The following CYB5R3 variants were observed in gnomAD, a reference collection of about 807,000 sequenced individuals.
CYB5R3 encodes cytochrome b5 reductase 3, also known as NADH-cytochrome b5 reductase 3.
CYB5R3 carries 28 observed loss-of-function variants against 36.5 expected under a neutral mutation model. That is an observed-to-expected ratio of 0.77 (90% CI 0.57 to 1.05). The LOEUF is 1.05. Among genes scored for constraint, CYB5R3 ranks in the 50% least tolerant of loss-of-function variants. The pLI is 0.00. For missense variants in CYB5R3, 474 were observed against 408.9 expected, an observed-to-expected ratio of 1.16 and a Z score of -1.37; for synonymous variants, 181 against 159.8, an observed-to-expected ratio of 1.13 and a Z score of -1.00.
chr22:42,640,922 T>A (rs1929235288), intron 1 of CYB5R3, among the ~76,000 whole-genome samples: 1 of 152,108 alleles, frequency 6.6e-6, no homozygotes, highest in African/African-American at 2.4e-5. Context: ...AGTGGCACGG[T>A]CTCAGCTCAC....
At chr22:42,639,620 A>T (rs1929127044) in intron 1 of CYB5R3, among the ~76,000 whole-genome samples, 1 of 126,856 alleles carries the variant, frequency 7.9e-6, no homozygotes, top group Non-Finnish European at 1.7e-5. Context: ...AAGAGCCAAG[A>T]CTCCATCTCA....
rs8190408 is a variant in CYB5R3 at position 42,644,345 on chromosome 22, G to A, written c.21+4950C>T. ...CAAATACCCACCATAGCTCCCCACTGCCTACCTGAAGGCACCCTCTCTATG... is the reference window on the plus strand; with the variant it reads ...CAAATACCCACCATAGCTCCCCACTACCTACCTGAAGGCACCCTCTCTATG... On this transcript the variant is annotated intron_variant, in intron 1 of 8. Transcript: ENST00000352397. 9.2e-4 allele frequency: 646 copies of A among 703,110 alleles called. 4 individuals are homozygous for A. The African/African-American group carries it at 9.4e-3, about 10-fold the overall frequency. 43.6% of individuals were successfully genotyped at this position (703,110 alleles called of 1,614,324 possible).
chr22:42,638,542 G>GAAA (rs1214704850), intron 1 of CYB5R3, among the ~76,000 whole-genome samples: 1,133 of 100,480 alleles, frequency 0.011, 34 homozygotes, highest in African/African-American at 0.04. Context: ...TGTCTCTGTT[G>GAAA]AAAAAAAAAA....
At chr22:42,639,824 G>T in intron 1 of CYB5R3, 1 of 1,017,254 alleles carries the variant, frequency 9.8e-7, no homozygotes, top group Non-Finnish European at 1.4e-6. Context: ...TTGAACATGG[G>T]TTGGAACTGC....
rs751028345 is a variant in CYB5R3 at position 42,636,866 on chromosome 22, G to C, written c.22-20C>G. On this transcript the variant is annotated intron_variant, in intron 1 of 8. Transcript: ENST00000352397. The stretch of plus-strand genomic sequence containing the variant: ...GCCCAACTGAAACGACAGGACCCGC[G>C]GGGTCAGTGCAGGAGCCTGCCTTTC... 3 of 1,611,304 alleles carry C rather than the reference G, an allele frequency of 1.9e-6. No homozygotes were observed. The highest frequency in any genetic ancestry group is 2.2e-5 in the East Asian group (1 of 44,706).
At chr22:42,639,457 G>A (rs1439321419) in intron 1 of CYB5R3, among the ~76,000 whole-genome samples, 2 of 151,950 alleles carry the variant, frequency 1.3e-5, no homozygotes, top group South Asian at 2.1e-4. Context: ...GAAAAACCGC[G>A]TCTCTACCAA....
At chr22:42,628,049 C>G in intron 5 of CYB5R3, 103 bp downstream of exon 5, 2 of 1,505,316 alleles carry the variant, frequency 1.3e-6, no homozygotes, top group South Asian at 2.3e-5. Context: ...ACGAGAGTCA[C>G]CCATCCACAC....
Position 42,628,123 on chromosome 22 carries a change from T to C in CYB5R3, c.463+29A>G, listed in dbSNP as rs747984211. On this transcript the variant is annotated intron_variant, in intron 5 of 8. Transcript: ENST00000352397. Reference sequence around the variant, plus strand: ...GCTCTCCAATTCTCTGAGCCTGCCGTGTAACCAAGGGATTCCGACCCGAAT... The same window carrying C: ...GCTCTCCAATTCTCTGAGCCTGCCGCGTAACCAAGGGATTCCGACCCGAAT... 3.1e-6 allele frequency: 5 copies of C among 1,613,344 alleles called. No homozygotes were observed. In the East Asian group the frequency reaches 8.9e-5, roughly 29 times the overall value.
At chr22:42,642,780 A>G (rs1020052141) in intron 1 of CYB5R3, among the ~76,000 whole-genome samples, 39 of 152,200 alleles carry the variant, frequency 2.6e-4, no homozygotes, top group African/African-American at 8.9e-4. Context: ...TGTGAAGCCC[A>G]TACTGGTAGT....
intron 1 of CYB5R3, chr22:42,640,027 A>C (rs1601946953): frequency 1.2e-6 from 2 of 1,613,480 alleles, no homozygotes; most frequent in Non-Finnish European, 1.7e-6. Flanking sequence ...CCACGTCGAC[A>C]CCTCAGTGGC....
chr22:42,636,172 G>A (rs1274950285), intron 2 of CYB5R3, among the ~76,000 whole-genome samples: 3 of 151,996 alleles, frequency 2.0e-5, no homozygotes, highest in Admixed American at 1.3e-4. Context: ...AGCGGAGATC[G>A]CACCACTGCA....
At chr22:42,644,598 G>C (rs1227895719) in intron 1 of CYB5R3, 2 of 1,504,216 alleles carry the variant, frequency 1.3e-6, no homozygotes, top group African/African-American at 2.8e-5. Context: ...ACAGCCCCTG[G>C]TCCCTTCTGG....
intron 1 of CYB5R3, chr22:42,639,167 C>G (rs1035906927): frequency 3.2e-6 from 1 of 313,310 alleles, no homozygotes; most frequent in African/African-American, 2.3e-5. Context: ...CCGTCTCTAC[C>G]AAAAATACAA....
chr22:42,624,316 A>T (rs137129), intron 7 of CYB5R3, among the ~76,000 whole-genome samples: 1 of 152,000 alleles, frequency 6.6e-6, no homozygotes, highest in African/African-American at 2.4e-5. Context: ...AAGGCTCAGG[A>T]TTTGCACCCT....
chr22:42,635,535 T>C (rs1315313191), intron 2 of CYB5R3, among the ~76,000 whole-genome samples: 3 of 152,202 alleles, frequency 2.0e-5, no homozygotes, highest in Admixed American at 2.0e-4. Context: ...CCACCGTGCC[T>C]GGCCAATAAT....
intron 1 of CYB5R3, chr22:42,639,984 G>A (rs747559321): frequency 8.7e-6 from 14 of 1,611,664 alleles, no homozygotes; most frequent in Non-Finnish European, 1.1e-5. Flanking sequence ...AGCCAATGAT[G>A]CCACGCTTGC....
At chr22:42,638,233 T>A (rs1007686759) in intron 1 of CYB5R3, among the ~76,000 whole-genome samples, 1 of 151,276 alleles carries the variant, frequency 6.6e-6, no homozygotes. Flanking sequence ...CCATCTCTAC[T>A]AAAAATACAA....
chr22:42,625,249 G>A (rs537110770), intron 7 of CYB5R3, among the ~76,000 whole-genome samples: 1 of 152,276 alleles, frequency 6.6e-6, no homozygotes, highest in African/African-American at 2.4e-5. Flanking sequence ...GCTCATGCCT[G>A]TAATCTCAGC....
chr22:42,642,407 C>G (rs965330785), intron 1 of CYB5R3, among the ~76,000 whole-genome samples: 11 of 152,124 alleles, frequency 7.2e-5, no homozygotes, highest in African/African-American at 2.7e-4. Flanking sequence ...GCCCCTGCGT[C>G]CAGCCCATAA....
Sources: allele counts gnomAD v4.1 joint callset (sites outside exome capture counted in the v4.1 genomes callset), GRCh38; gene constraint gnomAD v4.1.1; transcripts MANE v1.5; gene names NCBI Gene and HGNC (gene_info 2026-07-23, HGNC 2026-07-21).